Variants in RPS6KA2 observed in about 807,000 individuals in gnomAD.
The protein encoded by RPS6KA2 is ribosomal protein S6 kinase A2.
In RPS6KA2, 42 loss-of-function variants were observed where a neutral mutation model predicts 91.8. The observed-to-expected ratio is 0.46, with a 90% CI of 0.36 to 0.59. The LOEUF (loss-of-function observed/expected upper bound fraction) is 0.59, where lower values mean the gene tolerates loss of function less well. Among genes scored for constraint, RPS6KA2 ranks in the 20% least tolerant of loss-of-function variants. The pLI, the probability that RPS6KA2 is intolerant of heterozygous loss-of-function variation, is 0.00. For synonymous variants in RPS6KA2, 414 were observed against 393.6 expected (o/e 1.05, Z -0.61); for missense variants, 798 against 978.5 (o/e 0.82, Z 2.46).
intron 16 of RPS6KA2, among the ~76,000 whole-genome samples, chr6:166,424,802 C>T (rs972568905): frequency 5.3e-5 from 8 of 152,186 alleles, no homozygotes; most frequent in Admixed American, 4.6e-4. Context: ...ATTCTTTACC[C>T]GTTGCAAGTA....
chr6:166,608,139 G>T (rs1786020849), intron 1 of RPS6KA2, among the ~76,000 whole-genome samples: 1 of 152,184 alleles, frequency 6.6e-6, no homozygotes, highest in African/African-American at 2.4e-5. Context: ...ACTCAGGACA[G>T]ATTTGGAATT....
At chr6:166,791,763 C>T (rs1250861077) in intron 2 of RPS6KA2, among the ~76,000 whole-genome samples, 7 of 151,502 alleles carry the variant, frequency 4.6e-5, no homozygotes, top group Admixed American at 4.6e-4. Context: ...TCTTGAATGA[C>T]CACTGGGTAC....
At position 166,522,765 on chromosome 6, in the gene RPS6KA2, C is replaced by T. The variant is rs557105860; in HGVS notation, c.298+8467G>A. Among the ~76,000 whole-genome samples, 28 of 152,278 alleles carry T rather than the reference C, an allele frequency of 1.8e-4. No individual in the cohort carries two copies. The South Asian group carries it at 4.6e-3, about 25-fold the overall frequency. ...ATTCATAGTAAAAAACGGACTTCCA[C>T]GAGCCATCGTGTGGCTAAACTTTTG... On this transcript the variant is annotated intron_variant, in intron 3 of 20. Coordinates refer to ENST00000265678, the MANE Select transcript of RPS6KA2 (RefSeq NM_021135.6).
chr6:166,547,047 C>A (rs766174253), intron 1 of RPS6KA2, among the ~76,000 whole-genome samples: 7 of 152,178 alleles, frequency 4.6e-5, no homozygotes, highest in Non-Finnish European at 1.0e-4. Context: ...CTCCTGGGCT[C>A]AAGCGATCCT....
intron 11 of RPS6KA2, among the ~76,000 whole-genome samples, chr6:166,466,765 G>T (rs955523964): frequency 6.6e-6 from 1 of 152,044 alleles, no homozygotes; most frequent in African/African-American, 2.4e-5. Context: ...CTTATTCACT[G>T]ATTCACTGAC....
upstream of RPS6KA2, among the ~76,000 whole-genome samples, chr6:166,631,388 T>C (rs1284022180): frequency 1.3e-5 from 2 of 152,198 alleles, no homozygotes; most frequent in Non-Finnish European, 2.9e-5. Flanking sequence ...ACCATCATGG[T>C]TGGCTTCCTC....
intron 1 of RPS6KA2, among the ~76,000 whole-genome samples, chr6:166,572,343 ACTAATT>A (rs1401752373): frequency 6.6e-6 from 1 of 152,256 alleles, no homozygotes. Flanking sequence ...ATGAACGATT[ACTAATT>A]CTAAGAAAAG....
Position 166,433,213 on chromosome 6 carries a change from G to C in RPS6KA2, c.1333-723C>G, listed in dbSNP as rs552081152. Among the ~76,000 whole-genome samples the C allele has an allele frequency of 6.6e-6, 1 of 152,144 alleles. No individual in the cohort carries two copies. Among genetic ancestry groups the C allele is most frequent in the Non-Finnish European group, 1.5e-5 (1 of 68,032 alleles). On this transcript the variant is annotated intron_variant, in intron 14 of 20. Coordinates refer to ENST00000265678, the MANE Select transcript of RPS6KA2 (RefSeq NM_021135.6). The surrounding 1 kb of genome is among the most constrained non-coding windows in gnomAD (Gnocchi z 4.4). ...AACCAGCCACAAAATGAGGTGAGGC[G>C]CATGGCTCTCACCAAGAGATGCTGG...
intron 12 of RPS6KA2, among the ~76,000 whole-genome samples, chr6:166,458,583 AAG>A (rs1458691135): frequency 6.6e-6 from 1 of 152,240 alleles, no homozygotes; most frequent in Non-Finnish European, 1.5e-5. Context: ...GCCCTAATCC[AAG>A]AGGACTAGTG....
At chr6:166,570,885 C>T (rs1053650242) in intron 1 of RPS6KA2, among the ~76,000 whole-genome samples, 3 of 152,222 alleles carry the variant, frequency 2.0e-5, no homozygotes, top group Non-Finnish European at 2.9e-5. Context: ...TATGTTAATT[C>T]TCTTCACTGT....
At chr6:166,425,868 C>G (rs1778897647) in intron 16 of RPS6KA2, among the ~76,000 whole-genome samples, 1 of 152,118 alleles carries the variant, frequency 6.6e-6, no homozygotes, top group Admixed American at 6.6e-5. Context: ...CTTTAACACC[C>G]CACTGTCAAC....
At chr6:166,625,317 C>A (rs1363445929) in intron 1 of RPS6KA2, among the ~76,000 whole-genome samples, 3 of 49,078 alleles carry the variant, frequency 6.1e-5, no homozygotes, top group Admixed American at 1.9e-4. Context: ...GTTTCCTATT[C>A]CCACCACCCC....
Position 166,767,002 on chromosome 6 carries a change from C to G in RPS6KA2, c.123+91198G>C, listed in dbSNP as rs561707696. Among the ~76,000 whole-genome samples, 1 of 152,230 alleles carries G rather than the reference C, an allele frequency of 6.6e-6. No individual in the cohort carries two copies. Among genetic ancestry groups the G allele is most frequent in the South Asian group, 2.1e-4 (1 of 4,830 alleles). ...TCCAAAGAATGTGCCTCCCCACCCC[C>G]GAACCCTGCTGCACCCAGAAGTCTG... is the stretch of plus-strand genomic sequence containing the variant. On this transcript the variant is annotated intron_variant, in intron 2 of 21. Coordinates refer to the RPS6KA2 transcript ENST00000503859. The surrounding 1 kb of genome is among the most constrained non-coding windows in gnomAD (Gnocchi z 4.6).
Position 166,702,268 on chromosome 6 carries a change from G to C in RPS6KA2, c.123+155932C>G, listed in dbSNP as rs548223973. 2.5e-4 allele frequency: 402 copies of C among 1,613,230 alleles called. 3 individuals carry two copies. In the South Asian group the frequency reaches 4.1e-3, roughly 16 times the overall value. ...AATCACATGGTTTCTGCTTGGACAC[G>C]GATCCTGGAGACCCCTGCCTTGAGG... On this transcript the variant is annotated intron_variant, in intron 2 of 21. Transcript: ENST00000503859.
At chr6:166,451,547 A>G (rs1402899886) in intron 12 of RPS6KA2, among the ~76,000 whole-genome samples, 1 of 152,148 alleles carries the variant, frequency 6.6e-6, no homozygotes, top group Non-Finnish European at 1.5e-5. Flanking sequence ...AATTTACTCT[A>G]TATTCTTGAC....
rs1247097639 is a variant in RPS6KA2, at chr6:166,500,602, G to C, written c.604+285C>G. On this transcript the variant is annotated intron_variant, in intron 7 of 20. Coordinates refer to ENST00000265678, the MANE Select transcript of RPS6KA2 (RefSeq NM_021135.6). This position sits in a 1 kb window ranked among gnomAD's most constrained non-coding sequence, Gnocchi z 4.3. ...CACTAAGGTCAGCACTGGGCACTGGGACTCCTGAACTAAACACCCAGCGAC... is the reference window on the plus strand; with the variant it reads ...CACTAAGGTCAGCACTGGGCACTGGCACTCCTGAACTAAACACCCAGCGAC... Among the ~76,000 whole-genome samples the C allele has an allele frequency of 6.6e-6, 1 of 152,188 alleles. No individual in the cohort carries two copies. Among genetic ancestry groups the C allele is most frequent in the Non-Finnish European group, 1.5e-5 (1 of 68,034 alleles).
rs866248120 is a variant in RPS6KA2, at chr6:166,641,720, A to C, written c.124-102936T>G. Among the ~76,000 whole-genome samples, 162 of 40,276 alleles carry C rather than the reference A, an allele frequency of 4.0e-3. 2 individuals carry two copies. The highest frequency in any genetic ancestry group is 0.025 in the African/African-American group (152 of 6,136). 26.4% of individuals were successfully genotyped at this position (40,276 alleles called of 152,430 possible). On this transcript the variant is annotated intron_variant, in intron 2 of 21. Coordinates refer to the RPS6KA2 transcript ENST00000503859. ...GGGTAAAAGAGTGAGACTCTGTCAC[A>C]AAAAAAAAAAAAAAAAAAAAAAAAA...
rs562517201 is a variant in RPS6KA2 at position 166,762,483 on chromosome 6, G to A, written c.123+95717C>T. 6.6e-5 allele frequency among the ~76,000 whole-genome samples: 10 copies of A among 152,282 alleles called. No individual in the cohort carries two copies. The East Asian group carries it at 1.9e-3, about 29-fold the overall frequency. On this transcript the variant is annotated intron_variant, in intron 2 of 21. Transcript: ENST00000503859. The stretch of plus-strand genomic sequence containing the variant: ...GCGTAGTCCCTGGCACATGGAGTGT[G>A]TAAAGTCATGTTCTTAAGTGAAAGT...
intron 1 of RPS6KA2, among the ~76,000 whole-genome samples, chr6:166,615,481 A>C (rs1786371798): frequency 6.6e-6 from 1 of 152,230 alleles, no homozygotes; most frequent in African/African-American, 2.4e-5. Context: ...TTTTAATGAA[A>C]GGAAGCAGTG....
Sources: gnomAD v4.1 joint callset for allele counts (sites outside exome capture counted in the v4.1 genomes callset) on GRCh38, gnomAD v4.1.1 for gene constraint, Gnocchi (gnomAD v3.1) non-coding constraint, MANE v1.5 for transcripts, NCBI Gene and HGNC (gene_info 2026-07-23, HGNC 2026-07-21) for gene names.